The following HINT3 variants were observed in gnomAD, a reference collection of about 807,000 sequenced individuals.
The protein encoded by HINT3 is adenosine 5'-monophosphoramidase HINT3.
In HINT3, 16 loss-of-function variants were observed where a neutral mutation model predicts 19.1. The ratio of observed to expected loss-of-function variants is 0.84; its 90% confidence interval spans 0.57 to 1.27. The LOEUF (loss-of-function observed/expected upper bound fraction) is 1.27. Ranked by LOEUF, HINT3 falls within the 50% of genes most tolerant of loss-of-function variation. The pLI is 0.00. For missense variants in HINT3, 197 were observed against 225.8 expected (o/e 0.87, Z 0.82); for synonymous variants, 75 against 84.8 (o/e 0.88, Z 0.63).
chr6:125,962,198 A>ATG (rs1788940443), intron 1 of HINT3, among the ~76,000 whole-genome samples: 3 of 48,422 alleles, frequency 6.2e-5, no homozygotes, highest in South Asian at 6.0e-4. Flanking sequence ...ACATATATAT[A>ATG]TATATATATA....
chr6:125,974,744 T>A, intron 3 of HINT3, 103 bp from the exon 4 acceptor site: 1 of 1,088,140 alleles, frequency 9.2e-7, no homozygotes. Flanking sequence ...CTATTTACCT[T>A]AGGTACTTAT....
chr6:125,960,213 T>C (rs1253004412), intron 1 of HINT3, among the ~76,000 whole-genome samples: 1 of 152,210 alleles, frequency 6.6e-6, no homozygotes, highest in Non-Finnish European at 1.5e-5. Context: ...GGACATTCAA[T>C]TTCAGGTCAT....
At chr6:125,973,569 T>C (rs897736542) in intron 3 of HINT3, among the ~76,000 whole-genome samples, 10 of 152,194 alleles carry the variant, frequency 6.6e-5, no homozygotes. Flanking sequence ...TGTATTAGTT[T>C]AGACATGCCA....
At position 125,966,786 on chromosome 6, in the gene HINT3, T is replaced by A; in HGVS notation, c.202-101T>A. The A allele has an allele frequency of 4.2e-6, 3 of 719,194 alleles. 1 individual carries two copies. In the South Asian group the frequency reaches 5.9e-5, roughly 14 times the overall value. The allele number at this position is 719,194 out of a possible 1,614,324, so 44.6% of individuals were successfully genotyped here. ...GTGGGGGTTAGGTGTAACATAAGTA[T>A]CATTTCCCTGTCAGACTGAGATTAA... On this transcript the variant is annotated intron_variant, in intron 1 of 4. Transcript: ENST00000229633.
chr6:125,962,135 C>A (rs1254397436), intron 1 of HINT3, among the ~76,000 whole-genome samples: 1 of 102,132 alleles, frequency 9.8e-6, no homozygotes, highest in Non-Finnish European at 2.2e-5. Flanking sequence ...AGCCAGGAAT[C>A]GTGGATGGAA....
In HINT3 at chr6:125,962,315, A is replaced by G. The variant is rs1189890298; in HGVS notation, c.202-4572A>G. Reference sequence around the variant, plus strand: ...ATATATATATATATATATCACACATATATATATATATATATCACACACACA... The same window carrying G: ...ATATATATATATATATATCACACATGTATATATATATATATCACACACACA... On this transcript the variant is annotated intron_variant, in intron 1 of 4. Coordinates refer to ENST00000229633, the MANE Select transcript of HINT3 (RefSeq NM_138571.5). Among the ~76,000 whole-genome samples the G allele has an allele frequency of 3.3e-4, 10 of 30,416 alleles. 2 individuals carry two copies. Among genetic ancestry groups the G allele is most frequent in the African/African-American group, 7.6e-4 (10 of 13,180 alleles). 20.0% of individuals were successfully genotyped at this position (30,416 alleles called of 152,430 possible).
chr6:125,965,818 T>C (rs1789009655), intron 1 of HINT3, among the ~76,000 whole-genome samples: 1 of 152,208 alleles, frequency 6.6e-6, no homozygotes, highest in Middle Eastern at 3.2e-3. Context: ...TATCCTTTTC[T>C]AAAACATTCC....
chr6:125,962,231 T>TAC lies in HINT3; in HGVS notation c.202-4655_202-4654insCA, dbSNP rs1474657877. Among the ~76,000 whole-genome samples the TAC allele has an allele frequency of 2.6e-4, 8 of 30,308 alleles. 1 individual carries two copies. Among genetic ancestry groups the TAC allele is most frequent in the Admixed American group, 4.5e-4 (1 of 2,234 alleles). 19.9% of individuals were successfully genotyped at this position (30,308 alleles called of 152,430 possible). A position where few individuals can be genotyped will look rare whatever the true frequency, so the allele number is the denominator to read the frequency against. ...ATATACACATATATATATATATATA[T>TAC]ATACACATATATATATATACACACA... On this transcript the variant is annotated intron_variant, in intron 1 of 4. Coordinates refer to ENST00000229633, the MANE Select transcript of HINT3 (RefSeq NM_138571.5).
At position 125,962,213 on chromosome 6, in the gene HINT3, C is replaced by CATAT. The variant is rs1215154343; in HGVS notation, c.202-4656_202-4653dup. On this transcript the variant is annotated intron_variant, in intron 1 of 4. Coordinates refer to ENST00000229633, the MANE Select transcript of HINT3 (RefSeq NM_138571.5). ...ACATATATATATATATATATATACACATATATATATATATATATATACACA... is the reference window on the plus strand; with the variant it reads ...ACATATATATATATATATATATACACATATATATATATATATATATATATACACA... 6.7e-3 allele frequency among the ~76,000 whole-genome samples: 243 copies of CATAT among 36,262 alleles called. 24 individuals are homozygous for CATAT. The highest frequency in any genetic ancestry group is 7.0e-3 in the Non-Finnish European group (173 of 24,670). The allele number at this position is 36,262 out of a possible 152,430, so 23.8% of individuals were successfully genotyped here. A position where few individuals can be genotyped will look rare whatever the true frequency, so the allele number is the denominator to read the frequency against.
chr6:125,960,089 ATTATATGG>A (rs1259768072), intron 1 of HINT3, among the ~76,000 whole-genome samples: 1 of 152,234 alleles, frequency 6.6e-6, no homozygotes, highest in Non-Finnish European at 1.5e-5. Flanking sequence ...AGAAGGAGCA[ATTATATGG>A]TTATATGGTT....
intron 4 of HINT3, among the ~76,000 whole-genome samples, chr6:125,975,581 G>GTT (rs149094456): frequency 0.021 from 3,042 of 143,532 alleles, 162 homozygotes; most frequent in African/African-American, 0.05. Context: ...TGGCTGAAGA[G>GTT]TTGTTTTTTT....
intron 2 of HINT3, among the ~76,000 whole-genome samples, chr6:125,970,392 T>C (rs1400473517): frequency 6.6e-6 from 1 of 152,184 alleles, no homozygotes; most frequent in Non-Finnish European, 1.5e-5. Flanking sequence ...ATTTCTTGGG[T>C]TTCACACTTT....
At chr6:125,970,553 T>G (rs1219313124) in intron 2 of HINT3, among the ~76,000 whole-genome samples, 1 of 152,208 alleles carries the variant, frequency 6.6e-6, no homozygotes, top group Non-Finnish European at 1.5e-5. Flanking sequence ...TCTTTGCTTT[T>G]GTGTTATATT....
rs1172963780 is a variant in HINT3, at chr6:125,978,257, TAATA to T, written c.*585_*588del. The T allele has an allele frequency of 3.9e-5, 6 of 152,072 alleles. No individual in the cohort carries two copies. The highest frequency in any genetic ancestry group is 5.9e-5 in the Non-Finnish European group (4 of 67,964). 9.4% of individuals were successfully genotyped at this position (152,072 alleles called of 1,614,324 possible). ...CACTTTTTGAAGCATTGCATCTTTT[TAATA>T]AATCTATCCTGAAAGCTATATAATA... is the stretch of plus-strand genomic sequence containing the variant. On this transcript the variant is annotated 3_prime_UTR_variant, in exon 5 of 5. Coordinates refer to ENST00000229633, the MANE Select transcript of HINT3 (RefSeq NM_138571.5).
intron 3 of HINT3, 124 bp downstream of exon 3, chr6:125,972,452 T>TGA: frequency 1.8e-6 from 1 of 571,024 alleles, no homozygotes; most frequent in Non-Finnish European, 3.0e-6. Context: ...TTCCTGAAAG[T>TGA]GAGAATATAG....
chr6:125,960,659 G>GGGGGC lies in HINT3; in HGVS notation c.201+3485_201+3486insCGGGG, dbSNP rs1554209609. On this transcript the variant is annotated intron_variant, in intron 1 of 4. Transcript: ENST00000229633. Reference sequence around the variant, plus strand: ...GTGACAGAGCAAGACTCTCTCTGGGGGGGGGGAAAAAAAAAGAAGTTAGGG... The same window carrying GGGGGC: ...GTGACAGAGCAAGACTCTCTCTGGGGGGGGCGGGGGGAAAAAAAAAGAAGTTAGGG... Among the ~76,000 whole-genome samples the GGGGGC allele has an allele frequency of 7.6e-5, 11 of 144,918 alleles. 2 individuals are homozygous for GGGGGC. Among genetic ancestry groups the GGGGGC allele is most frequent in the Admixed American group, 1.4e-4 (2 of 14,280 alleles).
At chr6:125,973,342 A>T (rs1421851593) in intron 3 of HINT3, among the ~76,000 whole-genome samples, 4 of 151,946 alleles carry the variant, frequency 2.6e-5, no homozygotes, top group Non-Finnish European at 5.9e-5. Context: ...GCCTCTCAAA[A>T]TGCTGGGATT....
intron 2 of HINT3, among the ~76,000 whole-genome samples, chr6:125,967,362 T>G (rs1457731754): frequency 4.7e-5 from 7 of 150,132 alleles, no homozygotes; most frequent in Non-Finnish European, 8.9e-5. Flanking sequence ...GACAGAATCT[T>G]GTTCAGTCAC....
At chr6:125,972,217 A>C in intron 2 of HINT3, 42 bp from the exon 3 acceptor site, 2 of 1,298,196 alleles carry the variant, frequency 1.5e-6, no homozygotes, top group Non-Finnish European at 2.2e-6. Flanking sequence ...TGTGACCTTA[A>C]TGTCTCCTCT....
Sources: allele counts gnomAD v4.1 joint callset (sites outside exome capture counted in the v4.1 genomes callset), GRCh38; gene constraint gnomAD v4.1.1; transcripts MANE v1.5; gene names NCBI Gene and HGNC (gene_info 2026-07-23, HGNC 2026-07-21).